SCYL2: variants seen among roughly 807,000 people sequenced by gnomAD.
SCYL2 encodes the protein SCY1 like pseudokinase 2, also known as SCY1-like protein 2.
SCYL2 carries 36 observed loss-of-function variants against 100.4 expected under a neutral mutation model. The ratio of observed to expected loss-of-function variants is 0.36; its 90% CI spans 0.27 to 0.47. The LOEUF (loss-of-function observed/expected upper bound fraction) is 0.47, where lower values mean the gene tolerates loss of function less well. Among genes scored for constraint, SCYL2 ranks in the 20% least tolerant of loss-of-function variants. The pLI is 1.00. For synonymous variants in SCYL2, 330 were observed against 359.2 expected (o/e 0.92, Z 0.92); for missense variants, 902 against 1,083.9 (o/e 0.83, Z 2.36).
intron 10 of SCYL2, chr12:100,319,094 A>G (rs1347621143): frequency 5.9e-6 from 2 of 339,746 alleles, no homozygotes; most frequent in Non-Finnish European, 1.2e-5. Context: ...TATTTACTCT[A>G]AAGTTAATAT....
chr12:100,312,325 C>G, intron 5 of SCYL2, 107 bp from the exon 6 acceptor site: 1 of 831,378 alleles, frequency 1.2e-6, no homozygotes, highest in Non-Finnish European at 1.9e-6. Context: ...GGCGTGATGG[C>G]ATTTTTACTT....
intron 4 of SCYL2, among the ~76,000 whole-genome samples, chr12:100,308,574 C>T (rs1013323870): frequency 3.9e-5 from 6 of 152,010 alleles, no homozygotes; most frequent in Admixed American, 2.6e-4. Context: ...CACCATGGCA[C>T]GTGTATACCT....
chr12:100,320,646 A>G (rs1000708704), intron 10 of SCYL2, among the ~76,000 whole-genome samples: 3 of 152,130 alleles, frequency 2.0e-5, no homozygotes, highest in African/African-American at 7.2e-5. Context: ...TATGTTAGCT[A>G]AGTGATTTAG....
intron 3 of SCYL2, among the ~76,000 whole-genome samples, chr12:100,296,302 C>G (rs1265563678): frequency 1.3e-5 from 2 of 151,950 alleles, no homozygotes; most frequent in Non-Finnish European, 2.9e-5. Context: ...CTGGAATTAC[C>G]CAAAGGAAAT....
chr12:100,311,451 G>A (rs1229021401), intron 5 of SCYL2, among the ~76,000 whole-genome samples: 1 of 151,552 alleles, frequency 6.6e-6, no homozygotes, highest in Non-Finnish European at 1.5e-5. Flanking sequence ...TTTTCCTCAG[G>A]ATGTCAAATG....
chr12:100,297,105 G>T (rs2096321755), intron 3 of SCYL2, among the ~76,000 whole-genome samples: 1 of 152,170 alleles, frequency 6.6e-6, no homozygotes, highest in African/African-American at 2.4e-5. Flanking sequence ...CATTGCCAGA[G>T]CCTAAAGCCC....
intron 4 of SCYL2, among the ~76,000 whole-genome samples, chr12:100,302,270 C>T (rs1483682521): frequency 2.6e-5 from 4 of 152,178 alleles, no homozygotes; most frequent in African/African-American, 9.7e-5. Context: ...CAGTTGTTGT[C>T]TCCCTAGATC....
At chr12:100,330,632 AG>A (rs1044216210) in intron 13 of SCYL2, among the ~76,000 whole-genome samples, 1 of 152,128 alleles carries the variant, frequency 6.6e-6, no homozygotes, top group Non-Finnish European at 1.5e-5. Flanking sequence ...ATAGGCAGGG[AG>A]GATTTAGAAC....
intron 1 of SCYL2, among the ~76,000 whole-genome samples, chr12:100,273,984 C>G (rs2096290125): frequency 6.6e-6 from 1 of 152,194 alleles, no homozygotes; most frequent in Non-Finnish European, 1.5e-5. Context: ...ACCTTCCCGT[C>G]AAAATCAACA....
chr12:100,334,081 T>C (rs1007358163), intron 13 of SCYL2, 85 bp from the exon 14 acceptor site: 10 of 785,096 alleles, frequency 1.3e-5, no homozygotes, highest in Middle Eastern at 2.5e-4. Flanking sequence ...GAGAATATTA[T>C]GATTAATTTA....
At chr12:100,273,638 G>C (rs2096289749) in intron 1 of SCYL2, among the ~76,000 whole-genome samples, 1 of 152,116 alleles carries the variant, frequency 6.6e-6, no homozygotes. Context: ...AATATGCTTT[G>C]TTTTCATATG....
At chr12:100,314,970 T>C (rs2096346733) in intron 8 of SCYL2, among the ~76,000 whole-genome samples, 1 of 152,216 alleles carries the variant, frequency 6.6e-6, no homozygotes, top group African/African-American at 2.4e-5. Flanking sequence ...TTCTGACTTA[T>C]TAAATGATGA....
At chr12:100,296,444 A>T (rs759471764) in intron 3 of SCYL2, among the ~76,000 whole-genome samples, 1 of 152,188 alleles carries the variant, frequency 6.6e-6, no homozygotes, top group Non-Finnish European at 1.5e-5. Flanking sequence ...GGAGCAGAGT[A>T]CTGAGGAAAG....
chr12:100,295,675 A>C (rs1191041276), intron 3 of SCYL2, among the ~76,000 whole-genome samples: 3 of 151,278 alleles, frequency 2.0e-5, no homozygotes, highest in African/African-American at 7.4e-5. Flanking sequence ...GCTGGGCATG[A>C]GAGGGAGACC....
chr12:100,310,006 G>GTTTTT (rs140370696), intron 4 of SCYL2, among the ~76,000 whole-genome samples: 1 of 148,336 alleles, frequency 6.7e-6, no homozygotes, highest in African/African-American at 2.5e-5. Flanking sequence ...CTTTTATTTT[G>GTTTTT]TTTTTTTTTG....
At chr12:100,291,798 C>A (rs1232343167) in intron 3 of SCYL2, 138 bp downstream of exon 3, 2 of 746,930 alleles carry the variant, frequency 2.7e-6, no homozygotes, top group Non-Finnish European at 4.2e-6. Context: ...CATTAGTTTT[C>A]TCCCTAAAAT....
chr12:100,339,071 C>T lies in SCYL2; in HGVS notation c.2689C>T (p.Gln897Ter). The T allele has an allele frequency of 6.2e-7, 1 of 1,614,076 alleles. No individual in the cohort carries two copies. Among genetic ancestry groups the T allele is most frequent in the Non-Finnish European group, 8.5e-7 (1 of 1,179,958 alleles). Reference protein sequence around the residue: ...NVIGQSAFGMQGNPFFNPQNF... With the variant: ...NVIGQSAFGM ...GATAGGACAATCTGCTTTTGGTATG[C>T]AGGGTAATCCTTTCTTTAACCCACA... Residue 897 changes from glutamine (Q) to a stop codon, truncating the protein, a stop_gained, in exon 18 of 18, where the codon CAG becomes TAG. Transcript: ENST00000360820. LOFTEE classifies it high-confidence loss of function.
chr12:100,282,040 C>CA lies in SCYL2; in HGVS notation c.-28-902dup, dbSNP rs757908373. On this transcript the variant is annotated intron_variant, in intron 1 of 17. Coordinates refer to ENST00000360820, the MANE Select transcript of SCYL2 (RefSeq NM_017988.6). ...GTTGTTGTTGTTGTTGTTTTTGAGACAGAGTCTGGTGCTGTCACCCAGCCT... is the reference window on the plus strand; with the variant it reads ...GTTGTTGTTGTTGTTGTTTTTGAGACAAGAGTCTGGTGCTGTCACCCAGCCT... Among the ~76,000 whole-genome samples the CA allele has an allele frequency of 3.3e-5, 5 of 152,068 alleles. No homozygotes were observed. In the South Asian group the frequency reaches 1.0e-3, roughly 31 times the overall value.
intron 12 of SCYL2, among the ~76,000 whole-genome samples, chr12:100,328,215 C>A (rs190435972): frequency 1.3e-5 from 2 of 152,064 alleles, no homozygotes; most frequent in Non-Finnish European, 2.9e-5. Context: ...GAGGTTGAGG[C>A]TGCAGGGACC....
Sources: allele counts gnomAD v4.1 joint callset (sites outside exome capture counted in the v4.1 genomes callset), GRCh38; gene constraint gnomAD v4.1.1; transcripts MANE v1.5; gene names NCBI Gene and HGNC (gene_info 2026-07-23, HGNC 2026-07-21).